The following AGBL4 variants were observed in gnomAD, a reference collection of about 807,000 sequenced individuals.
AGBL4 encodes cytosolic carboxypeptidase 6.
Under a neutral mutation model 66.4 loss-of-function variants are expected in AGBL4, and 58 were observed. The ratio of observed to expected loss-of-function variants is 0.87; its 90% confidence interval spans 0.71 to 1.09. AGBL4 has a LOEUF of 1.09. Ranked by LOEUF, AGBL4 falls within the 50% of genes least tolerant of loss-of-function variation. The pLI is 0.00. For synonymous variants in AGBL4, 234 were observed against 222.9 expected (o/e 1.05, Z -0.44); for missense variants, 579 against 631.0 (o/e 0.92, Z 0.88).
chr1:48,852,115 G>GTC (rs1647048930), intron 6 of AGBL4, among the ~76,000 whole-genome samples: 1 of 144,486 alleles, frequency 6.9e-6, no homozygotes, highest in South Asian at 2.3e-4. Context: ...TTTTAGGGAT[G>GTC]AAAGACTTGA....
intron 5 of AGBL4, among the ~76,000 whole-genome samples, chr1:48,936,636 C>T (rs1408379215): frequency 1.3e-5 from 2 of 152,174 alleles, no homozygotes; most frequent in African/African-American, 4.8e-5. Flanking sequence ...GTAGCCACCC[C>T]AATCTGGCTA....
intron 3 of AGBL4, among the ~76,000 whole-genome samples, chr1:49,287,488 ATC>A (rs1372738891): frequency 1.3e-5 from 2 of 151,084 alleles, no homozygotes; most frequent in African/African-American, 4.8e-5. Context: ...AATATCCAGA[ATC>A]TACAAAGAAC....
At chr1:49,253,912 A>C (rs988433458) in intron 3 of AGBL4, among the ~76,000 whole-genome samples, 1 of 152,204 alleles carries the variant, frequency 6.6e-6, no homozygotes, top group African/African-American at 2.4e-5. Flanking sequence ...TTAATATAAA[A>C]ACCACATGAT....
chr1:49,290,351 C>T (rs1443040595), intron 3 of AGBL4, among the ~76,000 whole-genome samples: 1 of 152,140 alleles, frequency 6.6e-6, no homozygotes, highest in East Asian at 1.9e-4. Flanking sequence ...AGGACAAGTT[C>T]TTCTCATTTT....
intron 1 of AGBL4, among the ~76,000 whole-genome samples, chr1:49,973,459 T>C (rs1216117444): frequency 6.6e-6 from 1 of 151,992 alleles, no homozygotes; most frequent in African/African-American, 2.4e-5. Flanking sequence ...AGTAGATCAC[T>C]TCCATAATTG....
rs372448053 is a variant in AGBL4, at chr1:48,833,468, T to C, written c.634+33723A>G. ...CCTCCTGGCTGCTTATAATAAAATGTGAGAAGAGAGATGAATTGAAAGGGT... is the reference window on the plus strand; with the variant it reads ...CCTCCTGGCTGCTTATAATAAAATGCGAGAAGAGAGATGAATTGAAAGGGT... On this transcript the variant is annotated intron_variant, in intron 6 of 13. Transcript: ENST00000371839. Among the ~76,000 whole-genome samples the C allele has an allele frequency of 9.2e-5, 14 of 152,110 alleles. No individual in the cohort carries two copies. In the East Asian group the frequency reaches 1.2e-3, roughly 13 times the overall value.
chr1:49,362,760 G>A (rs1260131859), intron 3 of AGBL4, among the ~76,000 whole-genome samples: 13 of 152,064 alleles, frequency 8.5e-5, no homozygotes, highest in Admixed American at 8.5e-4. Context: ...CCATTTGCAG[G>A]TCCCAAAGGA....
chr1:49,087,833 A>G (rs950659489), intron 4 of AGBL4, among the ~76,000 whole-genome samples: 4 of 152,328 alleles, frequency 2.6e-5, no homozygotes, highest in Middle Eastern at 3.4e-3. Flanking sequence ...AAAGGCAGCT[A>G]GAGAGAAGGG....
intron 5 of AGBL4, among the ~76,000 whole-genome samples, chr1:48,925,932 C>A (rs780972499): frequency 6.6e-6 from 1 of 152,184 alleles, no homozygotes; most frequent in East Asian, 1.9e-4. Flanking sequence ...ACCCTCATCT[C>A]TGCCATCCCC....
At chr1:48,596,039 A>T (rs1644989887) in intron 9 of AGBL4, among the ~76,000 whole-genome samples, 1 of 152,182 alleles carries the variant, frequency 6.6e-6, no homozygotes, top group Non-Finnish European at 1.5e-5. Context: ...TTTCTGTTTT[A>T]CAGAGGAGGA....
At chr1:49,463,437 C>A (rs1036181278) in intron 3 of AGBL4, among the ~76,000 whole-genome samples, 4 of 151,710 alleles carry the variant, frequency 2.6e-5, no homozygotes, top group Admixed American at 2.6e-4. Flanking sequence ...ATGTAAAGCA[C>A]TGCTCACTCT....
chr1:49,236,833 T>A (rs1676244056), intron 4 of AGBL4, among the ~76,000 whole-genome samples: 1 of 152,116 alleles, frequency 6.6e-6, no homozygotes, highest in East Asian at 1.9e-4. Flanking sequence ...GTGTCCCCAC[T>A]CAAATCTCCT....
At chr1:49,228,941 C>G (rs934887894) in intron 4 of AGBL4, among the ~76,000 whole-genome samples, 1 of 152,168 alleles carries the variant, frequency 6.6e-6, no homozygotes, top group African/African-American at 2.4e-5. Flanking sequence ...CATCACCTAG[C>G]ACAGGACCCA....
At chr1:49,384,544 G>C (rs1644695293) in intron 3 of AGBL4, among the ~76,000 whole-genome samples, 4 of 152,034 alleles carry the variant, frequency 2.6e-5, no homozygotes, top group Non-Finnish European at 5.9e-5. Flanking sequence ...AGTGAGTCAA[G>C]ATTATACCAC....
intron 1 of AGBL4, among the ~76,000 whole-genome samples, chr1:49,879,336 G>C (rs1297684054): frequency 1.3e-5 from 2 of 151,008 alleles, no homozygotes; most frequent in South Asian, 2.1e-4. Flanking sequence ...TCCTTCAGGA[G>C]CTCTTTTAGG....
chr1:49,752,883 G>A (rs1651587591), intron 2 of AGBL4, among the ~76,000 whole-genome samples: 1 of 152,104 alleles, frequency 6.6e-6, no homozygotes, highest in African/African-American at 2.4e-5. Flanking sequence ...CTGAGACTAG[G>A]ATTGCAACCC....
At chr1:49,123,388 C>T (rs1645700101) in intron 4 of AGBL4, among the ~76,000 whole-genome samples, 1 of 152,098 alleles carries the variant, frequency 6.6e-6, no homozygotes, top group Non-Finnish European at 1.5e-5. Flanking sequence ...TAACTTGCCA[C>T]TCAATATTTA....
intron 3 of AGBL4, among the ~76,000 whole-genome samples, chr1:49,499,998 A>G (rs554124950): frequency 1.8e-4 from 28 of 152,060 alleles, no homozygotes; most frequent in Non-Finnish European, 3.7e-4. Flanking sequence ...ATGGCAATGT[A>G]AAAGTGTTCC....
intron 3 of AGBL4, among the ~76,000 whole-genome samples, chr1:49,659,231 G>A (rs1007966891): frequency 2.0e-5 from 3 of 152,048 alleles, no homozygotes; most frequent in Admixed American, 6.6e-5. Context: ...ACAGACCAAT[G>A]ACATCATGAA....
Sources: allele counts gnomAD v4.1 joint callset (sites outside exome capture counted in the v4.1 genomes callset), GRCh38; gene constraint gnomAD v4.1.1; transcripts MANE v1.5; gene names NCBI Gene and HGNC (gene_info 2026-07-23, HGNC 2026-07-21).